Variants in KIT observed in about 807,000 individuals in gnomAD.
The protein encoded by KIT is KIT proto-oncogene, receptor tyrosine kinase.
KIT carries 16 observed loss-of-function variants against 105.7 expected under a neutral mutation model. The ratio of observed to expected loss-of-function variants is 0.15; its 90% CI spans 0.10 to 0.23. KIT has a LOEUF of 0.23. KIT is among the 10% of genes least tolerant of loss of function. The pLI is 1.00. For missense variants in KIT, 858 were observed against 1,213.8 expected, an observed-to-expected ratio of 0.71 and a Z score of 4.36; for synonymous variants, 438 against 441.1, an observed-to-expected ratio of 0.99 and a Z score of 0.09.
intron 4 of KIT, among the ~76,000 whole-genome samples, chr4:54,701,083 G>A (rs1002289547): frequency 2.0e-5 from 3 of 152,122 alleles, no homozygotes; most frequent in African/African-American, 7.2e-5. Context: ...CCTTTTTTGA[G>A]ATGAGAAATT....
rs531434912 is a variant in KIT, at chr4:54,736,895, G to T, written c.2696+75G>T. 3 of 1,101,940 alleles carry T rather than the reference G, an allele frequency of 2.7e-6. No homozygotes were observed. The South Asian group carries it at 3.9e-5, about 14-fold the overall frequency. 68.3% of individuals were successfully genotyped at this position (1,101,940 alleles called of 1,614,324 possible). A position where few individuals can be genotyped will look rare whatever the true frequency, so the allele number is the denominator to read the frequency against. On this transcript the variant is annotated intron_variant, in intron 19 of 20. Transcript: ENST00000288135. ...TCTTTTTAGAGACAGAAACCCAGAT[G>T]TTGAGGGTTTTCATAACACAGTTTG...
At chr4:54,664,422 T>G (rs1376180580) in intron 1 of KIT, among the ~76,000 whole-genome samples, 1 of 151,988 alleles carries the variant, frequency 6.6e-6, no homozygotes, top group Non-Finnish European at 1.5e-5. Context: ...CCCCCAGGCT[T>G]TGCATACTAG....
intron 1 of KIT, among the ~76,000 whole-genome samples, chr4:54,680,981 C>G (rs545175698): frequency 6.6e-6 from 1 of 152,036 alleles, no homozygotes; most frequent in Non-Finnish European, 1.5e-5. Context: ...CACCAGGGCT[C>G]CCTTTTGTAT....
At chr4:54,690,179 T>C (rs1719606392) in intron 1 of KIT, among the ~76,000 whole-genome samples, 1 of 152,106 alleles carries the variant, frequency 6.6e-6, no homozygotes, top group Non-Finnish European at 1.5e-5. Context: ...ACCTTTTGGC[T>C]ATGGTGAATA....
At chr4:54,677,548 C>T (rs1718568453) in intron 1 of KIT, among the ~76,000 whole-genome samples, 2 of 152,160 alleles carry the variant, frequency 1.3e-5, no homozygotes, top group Admixed American at 1.3e-4. Flanking sequence ...ACTCTTGCCT[C>T]CTCTTTCCTC....
intron 1 of KIT, among the ~76,000 whole-genome samples, chr4:54,684,447 A>T (rs928936510): frequency 2.6e-5 from 4 of 152,142 alleles, no homozygotes; most frequent in Non-Finnish European, 5.9e-5. Context: ...GGGCAGGTCA[A>T]CTTAGGAGCC....
chr4:54,704,471 C>T (rs769307916), intron 5 of KIT, among the ~76,000 whole-genome samples: 7 of 151,948 alleles, frequency 4.6e-5, no homozygotes, highest in East Asian at 1.9e-4. Flanking sequence ...ATTGGTTCTA[C>T]GGAGCATAAA....
chr4:54,726,699 G>A (rs910018604), intron 9 of KIT, among the ~76,000 whole-genome samples: 3 of 151,630 alleles, frequency 2.0e-5, no homozygotes, highest in Admixed American at 1.3e-4. Flanking sequence ...AAAAAGTGGC[G>A]TGTTTTCTCA....
intron 1 of KIT, among the ~76,000 whole-genome samples, chr4:54,660,963 G>A (rs1717218372): frequency 6.6e-6 from 1 of 152,224 alleles, no homozygotes; most frequent in African/African-American, 2.4e-5. Context: ...TCTTATGAAA[G>A]CGGATTATTT....
At chr4:54,665,371 T>G (rs1400188572) in intron 1 of KIT, among the ~76,000 whole-genome samples, 1 of 152,116 alleles carries the variant, frequency 6.6e-6, no homozygotes, top group East Asian at 1.9e-4. Context: ...TGGAGACTAT[T>G]TAGGAGGGTT....
At chr4:54,731,587 G>A (rs1410089043) in intron 15 of KIT, among the ~76,000 whole-genome samples, 168 bp downstream of exon 15, 1 of 152,042 alleles carries the variant, frequency 6.6e-6, no homozygotes, top group Non-Finnish European at 1.5e-5. Context: ...GGGTGTTTGG[G>A]GTCAGAGCAT....
At chr4:54,716,899 C>A (rs1340594377) in intron 7 of KIT, among the ~76,000 whole-genome samples, 1 of 152,110 alleles carries the variant, frequency 6.6e-6, no homozygotes, top group African/African-American at 2.4e-5. Context: ...CAGGACAGTT[C>A]TAAATTAAGG....
chr4:54,677,997 C>T (rs552543582), intron 1 of KIT, among the ~76,000 whole-genome samples: 62 of 152,250 alleles, frequency 4.1e-4, no homozygotes, highest in African/African-American at 1.4e-3. Context: ...TTTATTTGCA[C>T]GTTGATTGAT....
At chr4:54,690,801 C>T (rs987178840) in intron 1 of KIT, among the ~76,000 whole-genome samples, 18 of 152,228 alleles carry the variant, frequency 1.2e-4, no homozygotes, top group African/African-American at 4.3e-4. Flanking sequence ...CGAACCTCTA[C>T]TCTTTTAAAA....
intron 13 of KIT, 120 bp from the exon 14 acceptor site, chr4:54,729,215 G>A: frequency 2.0e-6 from 2 of 1,003,846 alleles, no homozygotes; most frequent in South Asian, 1.3e-5. Flanking sequence ...TTGGGACTAA[G>A]TAGTCTGATC....
At chr4:54,723,145 C>T (rs1179371468) in intron 7 of KIT, among the ~76,000 whole-genome samples, 1 of 152,132 alleles carries the variant, frequency 6.6e-6, no homozygotes, top group East Asian at 1.9e-4. Context: ...CCTCTAACAA[C>T]TCCTAATTTC....
intron 1 of KIT, among the ~76,000 whole-genome samples, chr4:54,683,099 A>G (rs775618227): frequency 2.0e-5 from 3 of 152,140 alleles, no homozygotes; most frequent in Non-Finnish European, 2.9e-5. Flanking sequence ...CAAACATACA[A>G]TGTAGGATGA....
At chr4:54,690,083 C>T (rs1037473285) in intron 1 of KIT, among the ~76,000 whole-genome samples, 8 of 144,662 alleles carry the variant, frequency 5.5e-5, no homozygotes, top group Non-Finnish European at 8.9e-5. Context: ...GTGTAATGTT[C>T]CATTGTATGT....
At chr4:54,660,003 G>A (rs1317888052) in intron 1 of KIT, among the ~76,000 whole-genome samples, 2 of 152,068 alleles carry the variant, frequency 1.3e-5, no homozygotes, top group Non-Finnish European at 2.9e-5. Context: ...TAAATTCTGG[G>A]AAACGCAGTG....
Sources: gnomAD v4.1 joint callset for allele counts (sites outside exome capture counted in the v4.1 genomes callset) on GRCh38, gnomAD v4.1.1 for gene constraint, MANE v1.5 for transcripts, NCBI Gene and HGNC (gene_info 2026-07-23, HGNC 2026-07-21) for gene names.